Variants in RDH12 observed in about 807,000 individuals in gnomAD.
RDH12 encodes the protein all-trans and 9-cis retinol dehydrogenase.
A neutral mutation model predicts 34.0 loss-of-function variants in RDH12; 21 were observed. The observed-to-expected ratio is 0.62, with a 90% CI of 0.44 to 0.89. RDH12 has a LOEUF of 0.89. Ranked by LOEUF, RDH12 falls within the 40% of genes least tolerant of loss-of-function variation. The pLI is 0.00. For synonymous variants in RDH12, 198 were observed against 169.9 expected, an observed-to-expected ratio of 1.17 and a Z score of -1.29; for missense variants, 394 against 398.6, an observed-to-expected ratio of 0.99 and a Z score of 0.10.
At position 67,722,566 on chromosome 14, in the gene RDH12, G is replaced by C. The variant is rs1294602463; in HGVS notation, c.-77G>C. On this transcript the variant is annotated 5_prime_UTR_variant, in exon 3 of 9. Coordinates refer to ENST00000551171, the MANE Select transcript of RDH12 (RefSeq NM_152443.3). ...CAGAAGCAGCCAAGAGCTGGAGCCA[G>C]ACCAGGAACCTGAGCCAGAGCTGGG... is the stretch of plus-strand genomic sequence containing the variant. The C allele has an allele frequency of 7.9e-7, 1 of 1,268,338 alleles. No homozygotes were observed. Among genetic ancestry groups the C allele is most frequent in the African/African-American group, 1.5e-5 (1 of 68,342 alleles). 78.6% of individuals were successfully genotyped at this position (1,268,338 alleles called of 1,614,324 possible). A position where few individuals can be genotyped will look rare whatever the true frequency, so the allele number is the denominator to read the frequency against.
intron 1 of RDH12, among the ~76,000 whole-genome samples, chr14:67,713,657 C>T (rs1348927004): frequency 6.6e-6 from 1 of 152,150 alleles, no homozygotes; most frequent in Non-Finnish European, 1.5e-5. Flanking sequence ...TGAGACAGGT[C>T]TCAGTTAATT....
rs979585939 is a variant in RDH12 at position 67,717,137 on chromosome 14, GT to G, written c.-274-3703del. On this transcript the variant is annotated intron_variant, in intron 1 of 8. Coordinates refer to ENST00000551171, the MANE Select transcript of RDH12 (RefSeq NM_152443.3). Reference sequence around the variant, plus strand: ...TTAACTAGAGTTCAATATTTATTTAGTTTTTTTTCCTTTGGATGTAAAATTT... The same window carrying G: ...TTAACTAGAGTTCAATATTTATTTAGTTTTTTTCCTTTGGATGTAAAATTT... 3.3e-5 allele frequency among the ~76,000 whole-genome samples: 5 copies of G among 151,852 alleles called. No individual in the cohort carries two copies. The East Asian group carries it at 5.8e-4, about 18-fold the overall frequency.
At chr14:67,703,425 A>T (rs2037920892) in intron 1 of RDH12, among the ~76,000 whole-genome samples, 1 of 152,246 alleles carries the variant, frequency 6.6e-6, no homozygotes, top group Non-Finnish European at 1.5e-5. Flanking sequence ...TAAGAAAAAC[A>T]AAATTTCTAA....
chr14:67,704,157 G>A (rs955782336), intron 1 of RDH12, among the ~76,000 whole-genome samples: 64 of 152,278 alleles, frequency 4.2e-4, no homozygotes, highest in Admixed American at 5.9e-4. Flanking sequence ...GGAAATGTGT[G>A]TATTGTGAAA....
chr14:67,718,487 G>C (rs1413308285), intron 1 of RDH12, among the ~76,000 whole-genome samples: 2 of 152,208 alleles, frequency 1.3e-5, no homozygotes, highest in Non-Finnish European at 2.9e-5. Flanking sequence ...CTGCTTCATA[G>C]CATGTGATCT....
At chr14:67,711,139 C>T (rs1190509647) in intron 1 of RDH12, among the ~76,000 whole-genome samples, 1 of 152,116 alleles carries the variant, frequency 6.6e-6, no homozygotes, top group Non-Finnish European at 1.5e-5. Context: ...ACTAGACCAC[C>T]TAAAGCCACA....
intron 6 of RDH12, 119 bp from the exon 7 acceptor site, chr14:67,726,862 C>A (rs967375880): frequency 1.2e-6 from 1 of 810,534 alleles, no homozygotes; most frequent in Non-Finnish European, 2.1e-6. Flanking sequence ...TTACTCATGG[C>A]ATCAAAATTG....
intron 6 of RDH12, among the ~76,000 whole-genome samples, chr14:67,726,438 G>T (rs1304409595): frequency 2.0e-5 from 3 of 152,186 alleles, no homozygotes; most frequent in Non-Finnish European, 4.4e-5. Context: ...TGCCAGGCAG[G>T]GCCAGACCTG....
rs972737612 is a variant in RDH12 at position 67,729,045 on chromosome 14, C to T, written c.659-146C>T. 4.8e-6 allele frequency: 4 copies of T among 827,766 alleles called. No homozygotes were observed. In the African/African-American group the frequency reaches 5.0e-5, roughly 10 times the overall value. 51.3% of individuals were successfully genotyped at this position (827,766 alleles called of 1,614,324 possible). A position where few individuals can be genotyped will look rare whatever the true frequency, so the allele number is the denominator to read the frequency against. On this transcript the variant is annotated intron_variant, in intron 7 of 8. Transcript: ENST00000551171. Reference sequence around the variant, plus strand: ...GATCAATTCATTCCTGTTCAAATTCCGCCTGGCCAGGAGTGGTACCTGCTG... The same window carrying T: ...GATCAATTCATTCCTGTTCAAATTCTGCCTGGCCAGGAGTGGTACCTGCTG...
chr14:67,706,598 G>C (rs2037952994), intron 1 of RDH12, among the ~76,000 whole-genome samples: 1 of 152,160 alleles, frequency 6.6e-6, no homozygotes, highest in Admixed American at 6.6e-5. Context: ...TTGAGTTTCT[G>C]TTTAGCCTTT....
chr14:67,733,558 C>A (rs1210756950), intron 8 of RDH12, among the ~76,000 whole-genome samples, 188 bp from the exon 9 acceptor site: 1 of 151,994 alleles, frequency 6.6e-6, no homozygotes, highest in Non-Finnish European at 1.5e-5. Context: ...AATAAATAAG[C>A]CTGTGTATTA....
In RDH12 at chr14:67,729,354, G is replaced by A. The variant is rs1406114680; in HGVS notation, c.822G>A (p.Leu274=). 3 of 1,598,032 alleles carry A rather than the reference G, an allele frequency of 1.9e-6. No individual in the cohort carries two copies. In the East Asian group the frequency reaches 6.7e-5, roughly 36 times the overall value. ...TGCACTGCGCCCTGGCTGAGGGCCT[G>A]GAGCCCCTGAGTGGCAAGTACTTCA... ...TSLHCALAEG[L]EPLSGKYFSD... The change falls in exon 8 of 9, where the codon CTG becomes CTA. Residue 274 remains leucine, a synonymous_variant. Coordinates refer to ENST00000551171, the MANE Select transcript of RDH12 (RefSeq NM_152443.3).
At chr14:67,724,416 T>A in intron 3 of RDH12, 57 bp from the exon 4 acceptor site, 21 of 1,094,122 alleles carry the variant, frequency 1.9e-5, no homozygotes, top group Non-Finnish European at 2.7e-5. Flanking sequence ...TTTTAACGTA[T>A]CTTAGTGTGA....
chr14:67,704,818 A>G (rs1049023479), intron 1 of RDH12, among the ~76,000 whole-genome samples: 2 of 152,210 alleles, frequency 1.3e-5, no homozygotes, highest in African/African-American at 4.8e-5. Flanking sequence ...TCATTGTACC[A>G]CGTAGCCAAG....
intron 5 of RDH12, 148 bp downstream of exon 5, chr14:67,725,402 G>C: frequency 1.2e-6 from 1 of 830,646 alleles, no homozygotes. Context: ...CAGGGAATTG[G>C]CAAGAGGATG....
rs1035955783 is a variant in RDH12 at position 67,722,513 on chromosome 14, C to G, written c.-130C>G. On this transcript the variant is annotated 5_prime_UTR_variant, in exon 3 of 9. Coordinates refer to ENST00000551171, the MANE Select transcript of RDH12 (RefSeq NM_152443.3). ...CTCAGAGTCAGGCTGCTGCTCAGCA[C>G]CCAGGACGGAGAGGAGCAGAGAAGC... The G allele has an allele frequency of 1.1e-5, 9 of 813,888 alleles. No homozygotes were observed. Among genetic ancestry groups the G allele is most frequent in the South Asian group, 8.0e-5 (6 of 74,738 alleles). The allele number at this position is 813,888 out of a possible 1,614,324, so 50.4% of individuals were successfully genotyped here. A position where few individuals can be genotyped will look rare whatever the true frequency, so the allele number is the denominator to read the frequency against.
chr14:67,724,399 T>C, intron 3 of RDH12, 74 bp from the exon 4 acceptor site: 1 of 992,036 alleles, frequency 1.0e-6, no homozygotes, highest in African/African-American at 1.6e-5. Flanking sequence ...AGAGTTTTTT[T>C]TTTTTTTTTT....
intron 1 of RDH12, among the ~76,000 whole-genome samples, chr14:67,717,353 A>G (rs1216117134): frequency 6.6e-6 from 1 of 152,218 alleles, no homozygotes; most frequent in Admixed American, 6.5e-5. Flanking sequence ...GAGTGATTAG[A>G]GGTAAACAGA....
At chr14:67,727,485 G>GT (rs762341739) in intron 7 of RDH12, 30,787 of 243,636 alleles carry the variant, frequency 0.13, 105 homozygotes, top group South Asian at 0.23. Context: ...TGTTTTTTTT[G>GT]TTTTTTTTTT....
Sources: gnomAD v4.1 joint callset for allele counts (sites outside exome capture counted in the v4.1 genomes callset) on GRCh38, gnomAD v4.1.1 for gene constraint, MANE v1.5 for transcripts, NCBI Gene and HGNC (gene_info 2026-07-23, HGNC 2026-07-21) for gene names.